Variants in RAB3GAP2 observed in about 807,000 individuals in gnomAD.
The protein encoded by RAB3GAP2 is rab3 GTPase-activating protein non-catalytic subunit.
Under a neutral mutation model 185.3 loss-of-function variants are expected in RAB3GAP2, and 87 were observed. The observed-to-expected ratio is 0.47, with a 90% CI of 0.39 to 0.56. The LOEUF is 0.56. Among genes scored for constraint, RAB3GAP2 ranks in the 20% least tolerant of loss-of-function variants. RAB3GAP2 has a pLI of 0.00. For missense variants in RAB3GAP2, 1,492 were observed against 1,638.2 expected (o/e 0.91, Z 1.54); for synonymous variants, 554 against 576.1 (o/e 0.96, Z 0.55).
chr1:220,232,426 C>T (rs993980414), intron 2 of RAB3GAP2, among the ~76,000 whole-genome samples: 1 of 152,172 alleles, frequency 6.6e-6, no homozygotes. Context: ...TTCCCTCCCA[C>T]CCTCTCCACC....
chr1:220,200,757 G>T, intron 9 of RAB3GAP2: 1 of 425,608 alleles, frequency 2.3e-6, no homozygotes, highest in Non-Finnish European at 4.9e-6. Flanking sequence ...AGTATTCCAT[G>T]TAAGAGCTAT....
chr1:220,206,032 T>G, intron 7 of RAB3GAP2, 26 bp from the exon 8 acceptor site: 3 of 1,309,722 alleles, frequency 2.3e-6, no homozygotes, highest in Non-Finnish European at 1.1e-6. Flanking sequence ...AAAAAAAAAG[T>G]TCTTGAATAG....
intron 26 of RAB3GAP2, among the ~76,000 whole-genome samples, chr1:220,165,105 G>T (rs1051018120): frequency 6.6e-6 from 1 of 150,422 alleles, no homozygotes; most frequent in African/African-American, 2.5e-5. Flanking sequence ...ATTTCATACA[G>T]ATTTAAAAAC....
chr1:220,191,031 T>C, intron 14 of RAB3GAP2, 37 bp downstream of exon 14: 1 of 1,546,140 alleles, frequency 6.5e-7, no homozygotes, highest in Non-Finnish European at 8.9e-7. Context: ...CTATATTTCA[T>C]TTTGTAACCA....
intron 13 of RAB3GAP2, among the ~76,000 whole-genome samples, chr1:220,191,495 T>C (rs1658619424): frequency 6.6e-6 from 1 of 152,176 alleles, no homozygotes; most frequent in South Asian, 2.1e-4. Flanking sequence ...TATTTTGCTA[T>C]ATTTACTTCT....
chr1:220,257,633 C>T (rs185356487), intron 1 of RAB3GAP2, among the ~76,000 whole-genome samples: 1 of 152,076 alleles, frequency 6.6e-6, no homozygotes, highest in African/African-American at 2.4e-5. Flanking sequence ...AGAAGGATCT[C>T]GACTTAACAA....
chr1:220,220,788 T>C (rs1440345318), intron 2 of RAB3GAP2, among the ~76,000 whole-genome samples: 1 of 152,144 alleles, frequency 6.6e-6, no homozygotes, highest in Non-Finnish European at 1.5e-5. Flanking sequence ...CTGCACAAGC[T>C]CTCTTCTCTT....
At chr1:220,259,717 GC>G (rs1181529440) in intron 1 of RAB3GAP2, among the ~76,000 whole-genome samples, 2 of 152,140 alleles carry the variant, frequency 1.3e-5, no homozygotes, top group African/African-American at 4.8e-5. Flanking sequence ...AAAAGCAATT[GC>G]AACAAAAGCA....
At chr1:220,201,689 G>A (rs550987856) in intron 9 of RAB3GAP2, among the ~76,000 whole-genome samples, 4 of 152,052 alleles carry the variant, frequency 2.6e-5, no homozygotes, top group African/African-American at 7.2e-5. Context: ...TAGTAGAGAC[G>A]GGGTTTCACT....
Position 220,170,784 on chromosome 1 carries a change from T to C in RAB3GAP2, c.2806+108A>G, listed in dbSNP as rs568871105. On this transcript the variant is annotated intron_variant, in intron 24 of 34. Transcript: ENST00000358951. ...GTATATAGAAGGTTATTGTTATTTT[T>C]AAATCTGAGTGTATTTTTCTTTCTC... 4.1e-5 allele frequency: 39 copies of C among 943,356 alleles called. 1 individual carries two copies. The highest frequency in any genetic ancestry group is 2.8e-4 in the Admixed American group (13 of 46,744). The allele number at this position is 943,356 out of a possible 1,614,324, so 58.4% of individuals were successfully genotyped here.
rs140377995 is a variant in RAB3GAP2 at position 220,157,435 on chromosome 1, C to T, written c.3390G>A (p.Ala1130=). 5.4e-4 allele frequency: 873 copies of T among 1,613,994 alleles called. No homozygotes were observed. The highest frequency in any genetic ancestry group is 6.8e-4 in the Non-Finnish European group (798 of 1,180,018). The change falls in exon 31 of 35, where the codon GCG becomes GCA. Residue 1130 remains alanine (A), a synonymous_variant. Coordinates refer to ENST00000358951, the MANE Select transcript of RAB3GAP2 (RefSeq NM_012414.4). The stretch of plus-strand genomic sequence containing the variant: ...AGATTGGTCCTTCCACGGAGAGCCA[C>T]GCATCCTCAGTATCCAGCACAGGCA... ...IQVPVLDTED[A]WLSVEGPISI... is the part of the protein sequence containing the mutation.
intron 7 of RAB3GAP2, among the ~76,000 whole-genome samples, chr1:220,207,052 A>G (rs1658981757): frequency 6.6e-6 from 1 of 152,234 alleles, no homozygotes; most frequent in Admixed American, 6.5e-5. Context: ...TGTTACACCA[A>G]TGAATCCTCA....
chr1:220,267,507 G>T (rs1159030260), intron 1 of RAB3GAP2: 22 of 1,410,944 alleles, frequency 1.6e-5, no homozygotes, highest in Non-Finnish European at 2.2e-5. Context: ...TACCCGGAGG[G>T]CGACCAATTT....
rs1429533280 is a variant in RAB3GAP2, at chr1:220,195,088, A to C, written c.1120T>G (p.Leu374Val). 2 of 1,614,040 alleles carry C rather than the reference A, an allele frequency of 1.2e-6. No individual in the cohort carries two copies. Among genetic ancestry groups the C allele is most frequent in the Non-Finnish European group, 1.7e-6 (2 of 1,179,904 alleles). Reference protein sequence around the residue: ...QKPKVEPATPLAVRFGLPDSR... With the variant: ...QKPKVEPATPVAVRFGLPDSR... ...GCATGACAGACTTGCCTTACAGCTA[A>C]TGGGGTAGCTGGCTCAACCTTCGGC... is the stretch of plus-strand genomic sequence containing the variant. Residue 374 changes from leucine (L) to valine (V), a missense_variant, in exon 12 of 35, where the codon TTA (leucine) becomes GTA (valine). Transcript: ENST00000358951.
chr1:220,209,961 G>A (rs1659048264), intron 7 of RAB3GAP2, among the ~76,000 whole-genome samples: 1 of 152,112 alleles, frequency 6.6e-6, no homozygotes, highest in African/African-American at 2.4e-5. Flanking sequence ...CAAAAGCTTA[G>A]TAACCCCTTT....
At chr1:220,263,895 A>G (rs1329166841) in intron 1 of RAB3GAP2, among the ~76,000 whole-genome samples, 1 of 152,108 alleles carries the variant, frequency 6.6e-6, no homozygotes, top group South Asian at 2.1e-4. Flanking sequence ...GCCCCAAAAG[A>G]ATTTTTTAGT....
chr1:220,175,293 C>G (rs962930588), intron 21 of RAB3GAP2, among the ~76,000 whole-genome samples: 2 of 151,922 alleles, frequency 1.3e-5, no homozygotes, highest in African/African-American at 2.4e-5. Flanking sequence ...GTGGCGCGAT[C>G]TTGGCTCACG....
At chr1:220,245,410 A>C (rs12562531) in intron 1 of RAB3GAP2, among the ~76,000 whole-genome samples, 35,523 of 152,132 alleles carry the variant, frequency 0.23, 4,430 homozygotes, top group East Asian at 0.35. Flanking sequence ...TGGTGACGGA[A>C]GCACCTGGAA....
chr1:220,154,179 G>A, intron 31 of RAB3GAP2, 122 bp from the exon 32 acceptor site: 1 of 1,370,730 alleles, frequency 7.3e-7, no homozygotes, highest in East Asian at 2.6e-5. Flanking sequence ...TGAACAGTAA[G>A]ATTTTAGAAT....
Sources: allele counts gnomAD v4.1 joint callset (sites outside exome capture counted in the v4.1 genomes callset), GRCh38; gene constraint gnomAD v4.1.1; transcripts MANE v1.5; gene names NCBI Gene and HGNC (gene_info 2026-07-23, HGNC 2026-07-21).